Variants in RBM20 observed in about 807,000 individuals in gnomAD.
The protein encoded by RBM20 is RNA binding motif protein 20.
Under a neutral mutation model 110.1 loss-of-function variants are expected in RBM20, and 51 were observed. The observed-to-expected ratio is 0.46, with a 90% CI of 0.37 to 0.59. The LOEUF (loss-of-function observed/expected upper bound fraction) is 0.59, where lower values mean the gene tolerates loss of function less well. Among genes scored for constraint, RBM20 ranks in the 20% least tolerant of loss-of-function variants. The pLI is 0.00. For missense variants in RBM20, 1,512 were observed against 1,574.9 expected, an observed-to-expected ratio of 0.96 and a Z score of 0.68; for synonymous variants, 589 against 618.2, an observed-to-expected ratio of 0.95 and a Z score of 0.70.
chr10:110,830,086 C>T lies in RBM20; in HGVS notation c.3452-975C>T, dbSNP rs7099503. Reference sequence around the variant, plus strand: ...CTACCTCCATTCTCAGGTGAGGAAACTGAGCCCCAGGAGCAGTTCGGCTGA... The same window carrying T: ...CTACCTCCATTCTCAGGTGAGGAAATTGAGCCCCAGGAGCAGTTCGGCTGA... On this transcript the variant is annotated intron_variant, in intron 12 of 13. Transcript: ENST00000369519. Among the ~76,000 whole-genome samples, 350 of 152,362 alleles carry T rather than the reference C, an allele frequency of 2.3e-3. 1 individual carries two copies. Among genetic ancestry groups the T allele is most frequent in the African/African-American group, 7.6e-3 (317 of 41,582 alleles).
intron 1 of RBM20, among the ~76,000 whole-genome samples, chr10:110,705,653 A>G (rs555164429): frequency 3.1e-4 from 47 of 152,384 alleles, no homozygotes; most frequent in Non-Finnish European, 5.3e-4. Context: ...ATGAAAGCGT[A>G]AGTAATACAC....
At chr10:110,674,850 T>C in intron 1 of RBM20, among the ~76,000 whole-genome samples, 1 of 152,206 alleles carries the variant, frequency 6.6e-6, no homozygotes, top group Non-Finnish European at 1.5e-5. Context: ...CTATTTGATG[T>C]GATTGTGTGT....
intron 1 of RBM20, among the ~76,000 whole-genome samples, chr10:110,758,602 A>G (rs1215592749): frequency 1.3e-5 from 2 of 152,142 alleles, no homozygotes; most frequent in Non-Finnish European, 2.9e-5. Context: ...AGTCACATGA[A>G]GATATGAAGC....
intron 8 of RBM20, among the ~76,000 whole-genome samples, chr10:110,811,157 G>A (rs904691467): frequency 1.3e-5 from 2 of 152,184 alleles, no homozygotes; most frequent in African/African-American, 2.4e-5. Flanking sequence ...TTGCTGGGGT[G>A]GCCACAGTCG....
intron 1 of RBM20, among the ~76,000 whole-genome samples, chr10:110,661,180 C>T (rs1359295335): frequency 1.3e-5 from 2 of 152,156 alleles, no homozygotes; most frequent in Non-Finnish European, 2.9e-5. Flanking sequence ...TCTCTGAGCC[C>T]ACCTAGGATA....
Position 110,739,245 on chromosome 10 carries a change from G to A in RBM20, c.192-41556G>A, listed in dbSNP as rs924373825. ...CTCTTGAAGTCATGCTGTGTTTTTA[G>A]GAAGATATTTGAGCAGGAGATCATG... On this transcript the variant is annotated intron_variant, in intron 1 of 13. Transcript: ENST00000369519. The surrounding 1 kb of genome is among the most constrained non-coding windows in gnomAD (Gnocchi z 4.1). 1.3e-5 allele frequency among the ~76,000 whole-genome samples: 2 copies of A among 152,250 alleles called. No homozygotes were observed. The highest frequency in any genetic ancestry group is 1.3e-4 in the Admixed American group (2 of 15,292).
At chr10:110,721,847 C>A (rs959135886) in intron 1 of RBM20, among the ~76,000 whole-genome samples, 3 of 152,138 alleles carry the variant, frequency 2.0e-5, no homozygotes, top group Non-Finnish European at 4.4e-5. Flanking sequence ...TCACCTACAG[C>A]CCGGAGCATG....
chr10:110,690,099 C>G (rs1433468068), intron 1 of RBM20, among the ~76,000 whole-genome samples: 1 of 151,988 alleles, frequency 6.6e-6, no homozygotes, highest in Non-Finnish European at 1.5e-5. Context: ...GATACATAAC[C>G]TAACTATTTT....
chr10:110,781,988 G>C, intron 2 of RBM20, 104 bp downstream of exon 2: 1 of 1,399,532 alleles, frequency 7.1e-7, no homozygotes. Flanking sequence ...GTTGCATTGG[G>C]GTAACAGAAT....
intron 1 of RBM20, among the ~76,000 whole-genome samples, chr10:110,723,941 G>A (rs1843535415): frequency 6.6e-6 from 1 of 152,154 alleles, no homozygotes; most frequent in Non-Finnish European, 1.5e-5. Flanking sequence ...TTTCTTCCAT[G>A]TCTAAATAAT....
In RBM20 at chr10:110,781,128, C is replaced by T. The variant is rs1844336418; in HGVS notation, c.519C>T (p.Pro173=). Residue 173 remains proline, a synonymous_variant, in exon 2 of 14, where the codon CCC becomes CCT. Coordinates refer to ENST00000369519, the MANE Select transcript of RBM20 (RefSeq NM_001134363.3). ...RFPSNAIAFS[P]PSQTRGPGPS... is the part of the protein sequence containing the mutation. ...CCTCTAATGCAATTGCCTTTTCACC[C>T]CCCAGCCAGACACGAGGCCCCGGAC... The T allele has an allele frequency of 1.3e-6, 2 of 1,551,790 alleles. No individual in the cohort carries two copies. Among genetic ancestry groups the T allele is most frequent in the Non-Finnish European group, 1.7e-6 (2 of 1,147,038 alleles).
Position 110,812,730 on chromosome 10 carries a change from C to G in RBM20, c.2333C>G (p.Ala778Gly). The G allele has an allele frequency of 6.4e-7, 1 of 1,551,688 alleles. No individual in the cohort carries two copies. The highest frequency in any genetic ancestry group is 8.7e-7 in the Non-Finnish European group (1 of 1,146,980). ...AAGTATCTGAAGCAGCAGCAGGATG[C>G]CCCCGGGAGGTCCAGGAGGAAAGAC... ...SDKYLKQQQD[A>G]PGRSRRKDEA... The change falls in exon 9 of 14, where the codon GCC (alanine) becomes GGC (glycine). Residue 778 changes from alanine (A) to glycine (G), a missense_variant. Transcript: ENST00000369519.
intron 1 of RBM20, among the ~76,000 whole-genome samples, chr10:110,764,211 T>G (rs549183134): frequency 3.9e-5 from 6 of 152,046 alleles, no homozygotes; most frequent in Non-Finnish European, 7.4e-5. Flanking sequence ...TTGCTAAGGT[T>G]TTTAAGGGTA....
intron 7 of RBM20, 82 bp from the exon 8 acceptor site, chr10:110,810,301 G>T: frequency 9.8e-7 from 1 of 1,023,716 alleles, no homozygotes; most frequent in South Asian, 1.4e-5. Context: ...ACCAGGCAAT[G>T]AATGACCCAG....
At chr10:110,711,360 GTCC>G (rs1862925906) in intron 1 of RBM20, among the ~76,000 whole-genome samples, 1 of 116,654 alleles carries the variant, frequency 8.6e-6, no homozygotes. Context: ...AAAAAAAAGA[GTCC>G]AGGAGAGGGG....
chr10:110,705,560 G>T (rs1285377869), intron 1 of RBM20, among the ~76,000 whole-genome samples: 1 of 152,234 alleles, frequency 6.6e-6, no homozygotes, highest in South Asian at 2.1e-4. Context: ...TTCTAAATCT[G>T]TGTGTGTAGG....
At chr10:110,771,118 A>G (rs1844181816) in intron 1 of RBM20, among the ~76,000 whole-genome samples, 1 of 152,154 alleles carries the variant, frequency 6.6e-6, no homozygotes, top group Non-Finnish European at 1.5e-5. Flanking sequence ...ACACATATAC[A>G]TGGAGCAGGC....
At chr10:110,688,182 G>T (rs1862533706) in intron 1 of RBM20, among the ~76,000 whole-genome samples, 1 of 152,102 alleles carries the variant, frequency 6.6e-6, no homozygotes, top group South Asian at 2.1e-4. Flanking sequence ...CTGCAGTTTT[G>T]AAATACAAAT....
chr10:110,681,919 C>T (rs989373818), intron 1 of RBM20, among the ~76,000 whole-genome samples: 1 of 151,000 alleles, frequency 6.6e-6, no homozygotes, highest in Non-Finnish European at 1.5e-5. Context: ...GACAAAGTTT[C>T]GCTCTTGTTG....
Sources: gnomAD v4.1 joint callset for allele counts (sites outside exome capture counted in the v4.1 genomes callset) on GRCh38, gnomAD v4.1.1 for gene constraint, Gnocchi (gnomAD v3.1) non-coding constraint, MANE v1.5 for transcripts, NCBI Gene and HGNC (gene_info 2026-07-23, HGNC 2026-07-21) for gene names.